Variants in GRIK1 observed in about 807,000 individuals in gnomAD.
GRIK1 encodes the protein glutamate ionotropic receptor kainate type subunit 1.
In GRIK1, 69 loss-of-function variants were observed where a neutral mutation model predicts 105.7. The ratio of observed to expected loss-of-function variants is 0.65; its 90% CI spans 0.54 to 0.80. The LOEUF is 0.80. GRIK1 is among the 30% of genes least tolerant of loss of function. The pLI, the probability that GRIK1 is intolerant of heterozygous loss-of-function variation, is 0.00. For synonymous variants in GRIK1, 438 were observed against 431.3 expected (o/e 1.02, Z -0.19); for missense variants, 1,109 against 1,167.3 (o/e 0.95, Z 0.73).
chr21:29,842,746 C>T (rs2068015982), intron 1 of GRIK1, among the ~76,000 whole-genome samples: 1 of 152,246 alleles, frequency 6.6e-6, no homozygotes, highest in East Asian at 1.9e-4. Flanking sequence ...TTATCAAAAA[C>T]TTTAGCTTTA....
intron 1 of GRIK1, among the ~76,000 whole-genome samples, chr21:29,707,955 A>G (rs942063530): frequency 6.6e-6 from 1 of 152,174 alleles, no homozygotes; most frequent in Non-Finnish European, 1.5e-5. Flanking sequence ...ACATTCTATT[A>G]TGATTGACAT....
At chr21:29,589,123 A>C (rs1228313055) in intron 10 of GRIK1, 81 bp from the exon 11 acceptor site, 9 of 763,496 alleles carry the variant, frequency 1.2e-5, no homozygotes, top group Non-Finnish European at 2.0e-5. Flanking sequence ...AAGATGTGAA[A>C]TGTTTGATAA....
At chr21:29,918,589 A>G (rs2071086495) in intron 1 of GRIK1, among the ~76,000 whole-genome samples, 1 of 152,104 alleles carries the variant, frequency 6.6e-6, no homozygotes, top group Non-Finnish European at 1.5e-5. Context: ...TATTTCTGGC[A>G]TATTTCATAG....
At chr21:29,729,733 A>C in intron 1 of GRIK1, among the ~76,000 whole-genome samples, 1 of 152,140 alleles carries the variant, frequency 6.6e-6, no homozygotes, top group East Asian at 1.9e-4. Context: ...GGTATTTTTC[A>C]TGTCTGTAAC....
At chr21:29,896,731 A>G (rs557379865) in intron 1 of GRIK1, among the ~76,000 whole-genome samples, 2 of 152,294 alleles carry the variant, frequency 1.3e-5, no homozygotes, top group African/African-American at 4.8e-5. Flanking sequence ...GAATGAATGA[A>G]CTGACCAATT....
chr21:29,596,632 C>T, intron 8 of GRIK1, 62 bp from the exon 9 acceptor site: 2 of 1,173,944 alleles, frequency 1.7e-6, no homozygotes, highest in Non-Finnish European at 2.6e-6. Context: ...AGCGTGAAAC[C>T]CAGAAGGAAT....
rs201053164 is a variant in GRIK1 at position 29,553,507 on chromosome 21, C to T, written c.2607+1545G>A. The stretch of plus-strand genomic sequence containing the variant: ...TACAAATATCAACAACACCAATTAG[C>T]AAAAACATTTTCTACTGGGCACATC... On this transcript the variant is annotated intron_variant, in intron 16 of 17. Coordinates refer to ENST00000327783, the MANE Select transcript of GRIK1 (RefSeq NM_001330994.2). The T allele has an allele frequency of 8.9e-5, 133 of 1,488,736 alleles. No individual in the cohort carries two copies. In the African/African-American group the frequency reaches 1.8e-3, roughly 20 times the overall value. The allele number at this position is 1,488,736 out of a possible 1,614,324, so 92.2% of individuals were successfully genotyped here. A position where few individuals can be genotyped will look rare whatever the true frequency, so the allele number is the denominator to read the frequency against.
intron 6 of GRIK1, among the ~76,000 whole-genome samples, chr21:29,644,777 A>T (rs1344643288): frequency 2.0e-5 from 3 of 152,226 alleles, no homozygotes; most frequent in Non-Finnish European, 4.4e-5. Flanking sequence ...GGAGGAAAGT[A>T]AGCTACTGGC....
chr21:29,872,132 T>C (rs1436414983), intron 1 of GRIK1, among the ~76,000 whole-genome samples: 2 of 151,988 alleles, frequency 1.3e-5, no homozygotes, highest in African/African-American at 4.8e-5. Flanking sequence ...GATGTTTTGC[T>C]ATATGTATAC....
At chr21:29,621,038 T>C (rs181588861) in intron 7 of GRIK1, among the ~76,000 whole-genome samples, 1 of 151,894 alleles carries the variant, frequency 6.6e-6, no homozygotes, top group East Asian at 1.9e-4. Context: ...GAGTATTCTT[T>C]CTTGGCACTA....
intron 1 of GRIK1, among the ~76,000 whole-genome samples, chr21:29,707,115 C>G (rs552513635): frequency 6.6e-5 from 10 of 152,322 alleles, no homozygotes; most frequent in Middle Eastern, 6.8e-3. Flanking sequence ...CCGCCCTCCT[C>G]GGCCTCCCGA....
intron 1 of GRIK1, among the ~76,000 whole-genome samples, chr21:29,881,274 C>T (rs372776012): frequency 2.0e-5 from 3 of 152,044 alleles, no homozygotes; most frequent in Admixed American, 6.6e-5. Flanking sequence ...AGATAGCTTC[C>T]TATTGGTTCT....
chr21:29,877,894 A>G (rs1002657915), intron 1 of GRIK1, among the ~76,000 whole-genome samples: 4 of 152,188 alleles, frequency 2.6e-5, no homozygotes, highest in Non-Finnish European at 5.9e-5. Flanking sequence ...TAAGAAAATC[A>G]GTCCTGGCAA....
intron 1 of GRIK1, among the ~76,000 whole-genome samples, chr21:29,727,070 G>T (rs1413315951): frequency 6.6e-6 from 1 of 151,958 alleles, no homozygotes; most frequent in Admixed American, 6.6e-5. Context: ...GAGTAGTTAG[G>T]AGCACAGGCA....
At chr21:29,895,635 G>A (rs898834289) in intron 1 of GRIK1, among the ~76,000 whole-genome samples, 4 of 152,096 alleles carry the variant, frequency 2.6e-5, no homozygotes, top group African/African-American at 9.7e-5. Flanking sequence ...GAACATTCAC[G>A]CAGCAGTTGA....
intron 17 of GRIK1, 92 bp from the exon 18 acceptor site, chr21:29,537,477 ATATTGGCTTGAAGG>A: frequency 9.6e-7 from 1 of 1,043,440 alleles, no homozygotes; most frequent in South Asian, 1.6e-5. Flanking sequence ...TGAACACAAG[ATATTGGCTTGAAGG>A]CAGCTCTGTC....
intron 1 of GRIK1, among the ~76,000 whole-genome samples, chr21:29,711,809 C>T (rs1293461048): frequency 4.0e-5 from 6 of 151,654 alleles, no homozygotes; most frequent in Admixed American, 1.3e-4. Flanking sequence ...AAAAGTTAGA[C>T]GTATTTTTAA....
chr21:29,706,585 T>C (rs1477477838), intron 1 of GRIK1, among the ~76,000 whole-genome samples: 2 of 152,218 alleles, frequency 1.3e-5, no homozygotes, highest in South Asian at 4.1e-4. Context: ...CGATGAAAGT[T>C]ATTTCTCAGA....
At chr21:29,763,022 C>T (rs1360435614) in intron 1 of GRIK1, among the ~76,000 whole-genome samples, 1 of 152,152 alleles carries the variant, frequency 6.6e-6, no homozygotes, top group Non-Finnish European at 1.5e-5. Flanking sequence ...TTTTCTCCTC[C>T]AAAGTAGTGC....
Sources: gnomAD v4.1 joint callset for allele counts (sites outside exome capture counted in the v4.1 genomes callset) on GRCh38, gnomAD v4.1.1 for gene constraint, MANE v1.5 for transcripts, NCBI Gene and HGNC (gene_info 2026-07-23, HGNC 2026-07-21) for gene names.